The following TCF12 variants were observed in gnomAD, a reference collection of about 807,000 sequenced individuals.
The protein encoded by TCF12 is DNA-binding protein HTF4.
Under a neutral mutation model 86.0 loss-of-function variants are expected in TCF12, and 45 were observed. The ratio of observed to expected loss-of-function variants is 0.52; its 90% CI spans 0.41 to 0.67. The LOEUF is 0.67. Ranked by LOEUF, TCF12 falls within the 30% of genes least tolerant of loss-of-function variation. The probability of loss-of-function intolerance (pLI) is 0.00; values close to 1 mark genes in which losing one functional copy is unlikely to be tolerated. For synonymous variants in TCF12, 330 were observed against 299.6 expected, an observed-to-expected ratio of 1.10 and a Z score of -1.05; for missense variants, 881 against 859.9, an observed-to-expected ratio of 1.02 and a Z score of -0.31.
At chr15:56,982,008 A>G (rs187784938) in intron 3 of TCF12, among the ~76,000 whole-genome samples, 12 of 152,234 alleles carry the variant, frequency 7.9e-5, no homozygotes, top group Admixed American at 7.2e-4. Context: ...TATTGGGGGA[A>G]AAAAACACAT....
At chr15:57,263,322 A>G in intron 18 of TCF12, 48 bp downstream of exon 18, 1 of 1,573,332 alleles carries the variant, frequency 6.4e-7, no homozygotes. Context: ...TTCCATAGGT[A>G]AACATACTTG....
At chr15:56,991,153 T>C (rs1354625237) in intron 3 of TCF12, among the ~76,000 whole-genome samples, 1 of 152,180 alleles carries the variant, frequency 6.6e-6, no homozygotes, top group African/African-American at 2.4e-5. Flanking sequence ...AAGCTCGCCT[T>C]ACGTAAATGT....
chr15:57,237,118 C>A (rs1462624072), intron 12 of TCF12, among the ~76,000 whole-genome samples: 1 of 150,962 alleles, frequency 6.6e-6, no homozygotes, highest in African/African-American at 2.4e-5. Context: ...TTGATTTCTA[C>A]CTCAGAGCAA....
intron 13 of TCF12, among the ~76,000 whole-genome samples, chr15:57,249,552 C>T (rs1406686677): frequency 6.6e-6 from 1 of 152,064 alleles, no homozygotes; most frequent in Non-Finnish European, 1.5e-5. Context: ...AACTTTTCAA[C>T]TTGCAAAATG....
intron 5 of TCF12, among the ~76,000 whole-genome samples, chr15:57,156,573 A>T (rs766715076): frequency 2.0e-5 from 3 of 152,198 alleles, no homozygotes; most frequent in South Asian, 2.1e-4. Flanking sequence ...ATCATTTATT[A>T]TACACTATTT....
intron 14 of TCF12, 41 bp downstream of exon 14, chr15:57,251,464 AGTTT>A (rs1481144411): frequency 8.8e-6 from 14 of 1,599,236 alleles, no homozygotes; most frequent in Admixed American, 6.7e-5. Flanking sequence ...GATAGCTTAG[AGTTT>A]GTTTGTTTTT....
chr15:56,986,800 A>T (rs1368465419), intron 3 of TCF12, among the ~76,000 whole-genome samples: 8 of 152,194 alleles, frequency 5.3e-5, no homozygotes, highest in Non-Finnish European at 7.3e-5. Context: ...GATTTGTAAG[A>T]TGTGTTGTTA....
At chr15:56,963,294 T>G (rs2061855477) in intron 3 of TCF12, among the ~76,000 whole-genome samples, 1 of 152,200 alleles carries the variant, frequency 6.6e-6, no homozygotes, top group African/African-American at 2.4e-5. Flanking sequence ...CAGAAGTATT[T>G]TACATCTGGA....
intron 3 of TCF12, among the ~76,000 whole-genome samples, chr15:56,995,726 A>G (rs896224598): frequency 1.3e-5 from 2 of 152,122 alleles, no homozygotes; most frequent in African/African-American, 2.4e-5. Context: ...GTATAGAATC[A>G]TGTAGTCCAT....
At chr15:56,946,874 T>C (rs1285971957) in intron 3 of TCF12, among the ~76,000 whole-genome samples, 32 of 146,136 alleles carry the variant, frequency 2.2e-4, no homozygotes, top group African/African-American at 7.4e-4. Flanking sequence ...CTCAGCTCAC[T>C]GCAACCTCTC....
chr15:57,158,264 G>A (rs1205879351), intron 5 of TCF12, among the ~76,000 whole-genome samples: 1 of 146,314 alleles, frequency 6.8e-6, no homozygotes, highest in Non-Finnish European at 1.5e-5. Context: ...CTGCAGCCTC[G>A]ACTTCCTGGG....
At chr15:57,232,218 T>A in intron 9 of TCF12, 73 bp from the exon 10 acceptor site, 2 of 1,576,956 alleles carry the variant, frequency 1.3e-6, no homozygotes, top group Non-Finnish European at 1.7e-6. Flanking sequence ...ACCCCTTGAA[T>A]TTTTATAAGC....
At chr15:56,984,413 A>G (rs2063077265) in intron 3 of TCF12, among the ~76,000 whole-genome samples, 1 of 151,998 alleles carries the variant, frequency 6.6e-6, no homozygotes, top group Non-Finnish European at 1.5e-5. Context: ...GGTGTGAAAT[A>G]AGACCTTAAT....
Position 56,926,608 on chromosome 15 carries a change from C to T in TCF12, c.148+5510C>T, listed in dbSNP as rs564097968. ...CTGGAAATGGGAATTTAGCTTGATC[C>T]AAGGGCCTGTACAGTTCAGAGAGAG... On this transcript the variant is annotated intron_variant, in intron 3 of 20. Transcript: ENST00000333725. 8.3e-4 allele frequency among the ~76,000 whole-genome samples: 127 copies of T among 152,218 alleles called. 1 individual carries two copies. Among genetic ancestry groups the T allele is most frequent in the African/African-American group, 2.8e-3 (116 of 41,514 alleles).
At chr15:57,206,139 T>C (rs186890637) in intron 8 of TCF12, among the ~76,000 whole-genome samples, 21 of 152,328 alleles carry the variant, frequency 1.4e-4, no homozygotes, top group Middle Eastern at 3.4e-3. Context: ...GGTTGAATTA[T>C]GTAAATGCCT....
chr15:57,023,787 C>T (rs925558807), intron 3 of TCF12, among the ~76,000 whole-genome samples: 1 of 152,060 alleles, frequency 6.6e-6, no homozygotes, highest in Non-Finnish European at 1.5e-5. Context: ...AGGTGCCAAC[C>T]TTTTTGGCAC....
At chr15:57,026,359 T>A (rs1219003315) in intron 3 of TCF12, among the ~76,000 whole-genome samples, 2 of 152,198 alleles carry the variant, frequency 1.3e-5, no homozygotes, top group Admixed American at 1.3e-4. Flanking sequence ...TTCAAGAGAA[T>A]ATGGGTTTCA....
chr15:56,936,720 A>G (rs1164513385), intron 3 of TCF12, among the ~76,000 whole-genome samples: 5 of 152,182 alleles, frequency 3.3e-5, no homozygotes, highest in African/African-American at 1.2e-4. Context: ...TCCCAGCACC[A>G]TTTGTTGAAT....
chr15:57,232,365 G>A lies in TCF12; in HGVS notation c.760G>A (p.Gly254Arg). 17 of 1,613,674 alleles carry A rather than the reference G, an allele frequency of 1.1e-5. No individual in the cohort carries two copies. The highest frequency in any genetic ancestry group is 1.4e-5 in the Non-Finnish European group (17 of 1,179,834). Residue 254 changes from glycine (G) to arginine (R), a missense_variant, in exon 10 of 21, where the codon GGG (glycine) becomes AGG (arginine). Gly to Arg is a moderately radical substitution (Grantham distance 125). Transcript: ENST00000333725. Reference protein sequence around the residue: ...MSQPGFGGILGTSTSHMSQSS... With the variant: ...MSQPGFGGILRTSTSHMSQSS... ...CCAGCCTGGTTTTGGTGGAATTCTGGGGACCTCCACTTCCCACATGTCTCA... is the reference window on the plus strand; with the variant it reads ...CCAGCCTGGTTTTGGTGGAATTCTGAGGACCTCCACTTCCCACATGTCTCA...
Sources: gnomAD v4.1 joint callset for allele counts (sites outside exome capture counted in the v4.1 genomes callset) on GRCh38, gnomAD v4.1.1 for gene constraint, MANE v1.5 for transcripts, NCBI Gene and HGNC (gene_info 2026-07-23, HGNC 2026-07-21) for gene names.